PDE9A: variants seen among roughly 807,000 people sequenced by gnomAD.
PDE9A encodes high affinity cGMP-specific 3',5'-cyclic phosphodiesterase 9A.
PDE9A carries 60 observed loss-of-function variants against 87.4 expected under a neutral mutation model. The ratio of observed to expected loss-of-function variants is 0.69; its 90% CI spans 0.56 to 0.85. The LOEUF is 0.85. Among genes scored for constraint, PDE9A ranks in the 40% least tolerant of loss-of-function variants. The pLI is 0.00. For missense variants in PDE9A, 665 were observed against 779.0 expected (o/e 0.85, Z 1.74); for synonymous variants, 272 against 279.4 (o/e 0.97, Z 0.27).
Position 42,748,047 on chromosome 21 carries a change from CTGG to C in PDE9A, c.654-3067_654-3065del, listed in dbSNP as rs1172118546. Among the ~76,000 whole-genome samples the C allele has an allele frequency of 4.6e-5, 7 of 152,326 alleles. No individual in the cohort carries two copies. The East Asian group carries it at 1.4e-3, about 29-fold the overall frequency. On this transcript the variant is annotated intron_variant, in intron 8 of 19. Coordinates refer to ENST00000291539, the MANE Select transcript of PDE9A (RefSeq NM_002606.3). ...AGCAGACCCTCCTCTGCTCCCAGCT[CTGG>C]TATCTGCAAGGAAACAGCGGGATTC...
chr21:42,739,297 C>T lies in PDE9A; in HGVS notation c.569-4479C>T, dbSNP rs893736135. Among the ~76,000 whole-genome samples the T allele has an allele frequency of 2.0e-5, 3 of 152,228 alleles. No individual in the cohort carries two copies. Among genetic ancestry groups the T allele is most frequent in the Admixed American group, 6.5e-5 (1 of 15,288 alleles). ...ACCTCTCAGGCTTGAGGCCCCCCGC[C>T]CCACAGGACTGGCCCGCTCCTCCCT... On this transcript the variant is annotated intron_variant, in intron 7 of 19. Coordinates refer to ENST00000291539, the MANE Select transcript of PDE9A (RefSeq NM_002606.3). The surrounding 1 kb of genome is among the most constrained non-coding windows in gnomAD (Gnocchi z 4.1).
chr21:42,689,804 A>G (rs1416519152), intron 3 of PDE9A: 1 of 985,300 alleles, frequency 1.0e-6, no homozygotes, highest in African/African-American at 1.7e-5. Flanking sequence ...TGATAAAGAG[A>G]CAGAGACAGA....
intron 4 of PDE9A, among the ~76,000 whole-genome samples, chr21:42,725,121 T>C (rs1289857905): frequency 1.3e-5 from 2 of 152,196 alleles, no homozygotes; most frequent in Admixed American, 6.5e-5. Flanking sequence ...ATCCGGAACA[T>C]GGCGTCCCCC....
intron 10 of PDE9A, among the ~76,000 whole-genome samples, chr21:42,756,257 G>T (rs993123805): frequency 6.6e-6 from 1 of 152,240 alleles, no homozygotes; most frequent in Non-Finnish European, 1.5e-5. Context: ...AGGAGCCTTG[G>T]CCTCTGGCAG....
rs754137327 is a variant in PDE9A at position 42,670,268 on chromosome 21, TATTCACAC to T, written c.70-15913_70-15906del. On this transcript the variant is annotated intron_variant, in intron 1 of 19. Coordinates refer to ENST00000291539, the MANE Select transcript of PDE9A (RefSeq NM_002606.3). ...ATACACATACATACATTCACACACA[TATTCACAC>T]ATTCACACATACACATTCACACACA... 4.2e-3 allele frequency among the ~76,000 whole-genome samples: 285 copies of T among 68,262 alleles called. No homozygotes were observed. In the African/African-American group the frequency reaches 0.051, roughly 12 times the overall value. The allele number at this position is 68,262 out of a possible 152,430, so 44.8% of individuals were successfully genotyped here. A position where few individuals can be genotyped will look rare whatever the true frequency, so the allele number is the denominator to read the frequency against.
intron 3 of PDE9A, among the ~76,000 whole-genome samples, chr21:42,693,539 C>T (rs1267466963): frequency 2.0e-5 from 3 of 151,602 alleles, no homozygotes; most frequent in African/African-American, 4.9e-5. Context: ...ATCCACCTGC[C>T]TCGGCCCCCC....
rs1439222096 is a variant in PDE9A at position 42,660,470 on chromosome 21, T to C, written c.69+6587T>C. Reference sequence around the variant, plus strand: ...GGTCCAAATATTTTTGAGAAGAAAATGTTCTAAGAAAGTGCACAGGGTGGT... The same window carrying C: ...GGTCCAAATATTTTTGAGAAGAAAACGTTCTAAGAAAGTGCACAGGGTGGT... On this transcript the variant is annotated intron_variant, in intron 1 of 19. Transcript: ENST00000291539. This position sits in a 1 kb window ranked among gnomAD's most constrained non-coding sequence, Gnocchi z 4.7. Among the ~76,000 whole-genome samples the C allele has an allele frequency of 6.6e-6, 1 of 151,732 alleles. No homozygotes were observed. Among genetic ancestry groups the C allele is most frequent in the Non-Finnish European group, 1.5e-5 (1 of 67,942 alleles).
intron 1 of PDE9A, among the ~76,000 whole-genome samples, chr21:42,669,125 C>A (rs2058237884): frequency 6.6e-6 from 1 of 152,140 alleles, no homozygotes; most frequent in Non-Finnish European, 1.5e-5. Flanking sequence ...TAGCAAATGG[C>A]CATAAATGCC....
At chr21:42,674,045 C>G (rs372396570) in intron 1 of PDE9A, among the ~76,000 whole-genome samples, 1 of 152,172 alleles carries the variant, frequency 6.6e-6, no homozygotes, top group Non-Finnish European at 1.5e-5. Flanking sequence ...CATATAGAAA[C>G]GAAGAAACGA....
At chr21:42,768,750 G>A in intron 16 of PDE9A, 2 of 985,422 alleles carry the variant, frequency 2.0e-6, no homozygotes, top group Non-Finnish European at 2.4e-6. Context: ...GGAGAAGTCG[G>A]GAGGCTTTCT....
Position 42,675,703 on chromosome 21 carries a change from C to T in PDE9A, c.70-10489C>T, listed in dbSNP as rs1290549260. On this transcript the variant is annotated intron_variant, in intron 1 of 19. Coordinates refer to ENST00000291539, the MANE Select transcript of PDE9A (RefSeq NM_002606.3). This position sits in a 1 kb window ranked among gnomAD's most constrained non-coding sequence, Gnocchi z 4.3. The stretch of plus-strand genomic sequence containing the variant: ...TCCCATGCAGCCATAAGAAAGACAA[C>T]GGAGAGATCTGTGTACCCTCCACCC... Among the ~76,000 whole-genome samples, 2 of 152,160 alleles carry T rather than the reference C, an allele frequency of 1.3e-5. No individual in the cohort carries two copies. Among genetic ancestry groups the T allele is most frequent in the African/African-American group, 2.4e-5 (1 of 41,424 alleles).
Position 42,760,274 on chromosome 21 carries a change from G to A in PDE9A, c.898-54G>A, listed in dbSNP as rs2055559782. On this transcript the variant is annotated intron_variant, in intron 11 of 19. Coordinates refer to ENST00000291539, the MANE Select transcript of PDE9A (RefSeq NM_002606.3). This position sits in a 1 kb window ranked among gnomAD's most constrained non-coding sequence, Gnocchi z 5.2. ...CACAGCCTTCTGGGTGGCTTTGGGAGGAGAGGTGGGCGGGCCCAGGCACAG... is the reference window on the plus strand; with the variant it reads ...CACAGCCTTCTGGGTGGCTTTGGGAAGAGAGGTGGGCGGGCCCAGGCACAG... 1 of 1,040,512 alleles carries A rather than the reference G, an allele frequency of 9.6e-7. No homozygotes were observed. Among genetic ancestry groups the A allele is most frequent in the Non-Finnish European group, 1.5e-6 (1 of 668,166 alleles). 64.5% of individuals were successfully genotyped at this position (1,040,512 alleles called of 1,614,324 possible).
chr21:42,661,286 C>T (rs913460039), intron 1 of PDE9A, among the ~76,000 whole-genome samples: 3 of 152,048 alleles, frequency 2.0e-5, no homozygotes, highest in Non-Finnish European at 4.4e-5. Flanking sequence ...GCCTCAGCCT[C>T]CCAAAGTGCT....
At chr21:42,768,095 T>C (rs1315473176) in intron 15 of PDE9A, 93 bp from the exon 16 acceptor site, 1 of 791,232 alleles carries the variant, frequency 1.3e-6, no homozygotes, top group Non-Finnish European at 2.2e-6. Context: ...CCTCCGTCTC[T>C]TCCTGCCTGT....
At chr21:42,774,403 TA>T (rs1353465060) in intron 19 of PDE9A, among the ~76,000 whole-genome samples, 1 of 152,220 alleles carries the variant, frequency 6.6e-6, no homozygotes, top group African/African-American at 2.4e-5. Context: ...ATACCATTGT[TA>T]CTGCTGTTTT....
chr21:42,659,683 G>A lies in PDE9A; in HGVS notation c.69+5800G>A, dbSNP rs367910694. On this transcript the variant is annotated intron_variant, in intron 1 of 19. Coordinates refer to ENST00000291539, the MANE Select transcript of PDE9A (RefSeq NM_002606.3). The surrounding 1 kb of genome is among the most constrained non-coding windows in gnomAD (Gnocchi z 4.1). ...CCTGTCACTTGTCTTGTCACTCCCC[G>A]AGTCCACTGTGAGCTAGAACCACAG... Among the ~76,000 whole-genome samples, 2 of 152,138 alleles carry A rather than the reference G, an allele frequency of 1.3e-5. No homozygotes were observed. The highest frequency in any genetic ancestry group is 2.9e-5 in the Non-Finnish European group (2 of 68,020).
chr21:42,743,388 GC>G (rs1421075216), intron 7 of PDE9A, among the ~76,000 whole-genome samples: 1 of 152,236 alleles, frequency 6.6e-6, no homozygotes, highest in Non-Finnish European at 1.5e-5. Flanking sequence ...CACCACATGT[GC>G]CCCCTTTTCT....
chr21:42,754,778 T>G (rs1445442830), intron 10 of PDE9A, among the ~76,000 whole-genome samples: 1 of 152,196 alleles, frequency 6.6e-6, no homozygotes, highest in Non-Finnish European at 1.5e-5. Context: ...GGATTGTCTT[T>G]TGCCTGCCGC....
intron 4 of PDE9A, among the ~76,000 whole-genome samples, chr21:42,709,301 G>GC (rs1315395881): frequency 1.3e-5 from 2 of 152,134 alleles, no homozygotes; most frequent in African/African-American, 4.8e-5. Flanking sequence ...GGGGCCTGTT[G>GC]GGAGGGTTGG....
Sources: allele counts gnomAD v4.1 joint callset (sites outside exome capture counted in the v4.1 genomes callset), GRCh38; gene constraint gnomAD v4.1.1; non-coding constraint Gnocchi (gnomAD v3.1); transcripts MANE v1.5; gene names NCBI Gene and HGNC (gene_info 2026-07-23, HGNC 2026-07-21).